The following ARHGEF28 variants were observed in gnomAD, a reference collection of about 807,000 sequenced individuals.
The protein encoded by ARHGEF28 is 190 kDa guanine nucleotide exchange factor.
Under a neutral mutation model 206.6 loss-of-function variants are expected in ARHGEF28, and 152 were observed. The ratio of observed to expected loss-of-function variants is 0.74; its 90% CI spans 0.64 to 0.84. The LOEUF is 0.84. Ranked by LOEUF, ARHGEF28 falls within the 40% of genes least tolerant of loss-of-function variation. The probability of loss-of-function intolerance (pLI) is 0.00; values close to 1 mark genes in which losing one functional copy is unlikely to be tolerated. For missense variants in ARHGEF28, 2,028 were observed against 2,073.2 expected (o/e 0.98, Z 0.42); for synonymous variants, 763 against 776.4 (o/e 0.98, Z 0.29).
chr5:73,834,542 C>CTCTGTGTGTGTGTGTGTGTGTGTGTG (rs1455818141), intron 10 of ARHGEF28, among the ~76,000 whole-genome samples: 29 of 146,318 alleles, frequency 2.0e-4, no homozygotes, highest in African/African-American at 7.4e-4. Flanking sequence ...AATAATATTC[C>CTCTGTGTGTGTGTGTGTGTGTGTGTG]TGTGTGTGTG....
chr5:73,690,683 G>A (rs1399102038), intron 2 of ARHGEF28, among the ~76,000 whole-genome samples: 1 of 152,032 alleles, frequency 6.6e-6, no homozygotes, highest in Non-Finnish European at 1.5e-5. Context: ...GGGTGAGAGA[G>A]CAATACCCTA....
rs780935234 is a variant in ARHGEF28, at chr5:73,802,870, C to CTCTGTGTG, written c.1024+7480_1024+7481insCTGTGTGT. On this transcript the variant is annotated intron_variant, in intron 9 of 35. Transcript: ENST00000513042. ...GATAATTGGCCAGCAAGCTCGATTGCTGTGTGTGTGTGTGTGTGTGTGTGT... is the reference window on the plus strand; with the variant it reads ...GATAATTGGCCAGCAAGCTCGATTGCTCTGTGTGTGTGTGTGTGTGTGTGTGTGTGTGT... Among the ~76,000 whole-genome samples the CTCTGTGTG allele has an allele frequency of 6.7e-3, 813 of 122,222 alleles. 35 individuals carry two copies. The highest frequency in any genetic ancestry group is 0.021 in the African/African-American group (653 of 31,506). The allele number at this position is 122,222 out of a possible 152,430, so 80.2% of individuals were successfully genotyped here.
At chr5:73,771,113 T>G (rs973775904) in intron 4 of ARHGEF28, among the ~76,000 whole-genome samples, 2 of 152,232 alleles carry the variant, frequency 1.3e-5, no homozygotes, top group African/African-American at 2.4e-5. Context: ...CCTTTACCAA[T>G]GGTATAATTT....
At chr5:73,641,704 A>T (rs1006994033) in intron 1 of ARHGEF28, among the ~76,000 whole-genome samples, 3 of 152,220 alleles carry the variant, frequency 2.0e-5, no homozygotes, top group Non-Finnish European at 4.4e-5. Flanking sequence ...GCAGTTGTAT[A>T]AATGGAGCTT....
rs1335980539 is a variant in ARHGEF28 at position 73,868,135 on chromosome 5, G to A, written c.2333G>A (p.Ser778Asn). Residue 778 changes from serine (S) to asparagine (N), a missense_variant, in exon 20 of 36, where the codon AGT (serine) becomes AAT (asparagine). By Grantham distance (46) the Ser-to-Asn change is conservative. Around this residue, in one of 3 missense-constraint regions of ARHGEF28, gnomAD observed 1,002 missense variants for 1,015.3 expected, o/e 0.99. Coordinates refer to ENST00000513042, the MANE Select transcript of ARHGEF28 (RefSeq NM_001177693.2). ...TCAGCCACATCCTTGGAGTCTGAGA[G>A]TGACCATAACAGCTGCAGAAGCAGG... ...RRSATSLESE[S>N]DHNSCRSRSH... is the part of the protein sequence containing the mutation. 1 of 1,610,696 alleles carries A rather than the reference G, an allele frequency of 6.2e-7. No homozygotes were observed. The highest frequency in any genetic ancestry group is 1.3e-5 in the African/African-American group (1 of 74,880).
chr5:73,813,927 AG>A (rs1309427103), intron 9 of ARHGEF28, among the ~76,000 whole-genome samples: 1 of 150,248 alleles, frequency 6.7e-6, no homozygotes, highest in African/African-American at 2.4e-5. Flanking sequence ...AAAAAAAAAA[AG>A]AAGGGAGTTT....
At chr5:73,861,007 C>T (rs1425424555) in intron 16 of ARHGEF28, among the ~76,000 whole-genome samples, 4 of 152,340 alleles carry the variant, frequency 2.6e-5, no homozygotes, top group East Asian at 3.9e-4. Flanking sequence ...TTTTTACCTG[C>T]TCTTTGGAGG....
At chr5:73,775,501 CTT>C (rs1376254638) in intron 5 of ARHGEF28, among the ~76,000 whole-genome samples, 1 of 152,146 alleles carries the variant, frequency 6.6e-6, no homozygotes, top group Non-Finnish European at 1.5e-5. Flanking sequence ...TCCCCCAAGA[CTT>C]AGAGTAAAAC....
chr5:73,807,517 T>G (rs369981403), intron 9 of ARHGEF28, among the ~76,000 whole-genome samples: 4 of 151,382 alleles, frequency 2.6e-5, no homozygotes, highest in African/African-American at 9.7e-5. Flanking sequence ...GGAGTTTCAC[T>G]CTTCTTGCCC....
intron 9 of ARHGEF28, among the ~76,000 whole-genome samples, chr5:73,804,082 C>CAAAAAAAAA (rs35722039): frequency 4.7e-5 from 3 of 64,314 alleles, no homozygotes; most frequent in African/African-American, 6.9e-5. Flanking sequence ...GAGACCCTGT[C>CAAAAAAAAA]AAAAAAAAAA....
At chr5:73,872,139 C>G (rs1043658722) in intron 21 of ARHGEF28, among the ~76,000 whole-genome samples, 1 of 152,152 alleles carries the variant, frequency 6.6e-6, no homozygotes, top group Non-Finnish European at 1.5e-5. Context: ...TCTCCACATC[C>G]TCACCAATAC....
At chr5:73,826,795 CCT>C (rs1756939595) in intron 9 of ARHGEF28, among the ~76,000 whole-genome samples, 2 of 152,264 alleles carry the variant, frequency 1.3e-5, no homozygotes, top group Admixed American at 1.3e-4. Context: ...AATTGTCTCC[CCT>C]GTGTCACCTG....
At chr5:73,826,773 C>A (rs1028473122) in intron 9 of ARHGEF28, among the ~76,000 whole-genome samples, 1 of 152,190 alleles carries the variant, frequency 6.6e-6, no homozygotes, top group African/African-American at 2.4e-5. Context: ...TGGGTGGAAT[C>A]TATTTACTTT....
At chr5:73,703,594 T>C (rs1243255381) in intron 2 of ARHGEF28, among the ~76,000 whole-genome samples, 3 of 152,100 alleles carry the variant, frequency 2.0e-5, no homozygotes, top group African/African-American at 7.2e-5. Flanking sequence ...CTCTCTCTCT[T>C]TAATTCAGTT....
chr5:73,886,172 T>C (rs1318917685), intron 25 of ARHGEF28, 68 bp downstream of exon 25: 1 of 1,517,494 alleles, frequency 6.6e-7, no homozygotes, highest in Non-Finnish European at 8.8e-7. Context: ...GGACAGATTT[T>C]CAAAAGAAAA....
At chr5:73,737,351 T>C (rs1272085758) in intron 2 of ARHGEF28, among the ~76,000 whole-genome samples, 2 of 152,120 alleles carry the variant, frequency 1.3e-5, no homozygotes, top group East Asian at 3.9e-4. Flanking sequence ...TGTTGCTTTG[T>C]TTTTCCAGCT....
intron 2 of ARHGEF28, among the ~76,000 whole-genome samples, chr5:73,715,663 A>G: frequency 6.6e-6 from 1 of 152,152 alleles, no homozygotes; most frequent in Non-Finnish European, 1.5e-5. Flanking sequence ...GCCAAAATAG[A>G]TTTTACCTAT....
chr5:73,911,067 G>GTTA (rs1762872754), intron 34 of ARHGEF28, among the ~76,000 whole-genome samples: 2 of 152,080 alleles, frequency 1.3e-5, no homozygotes, highest in Non-Finnish European at 2.9e-5. Flanking sequence ...TGTTGTTGTT[G>GTTA]TTAAAGATAT....
Position 73,909,668 on chromosome 5 carries a change from AGGAGCG to A in ARHGEF28, c.4429_4434del (p.Arg1477_Glu1478del). The A allele has an allele frequency of 2.6e-6, 4 of 1,543,304 alleles. No homozygotes were observed. The highest frequency in any genetic ancestry group is 2.6e-6 in the Non-Finnish European group (3 of 1,143,650). ...CAGGCGACCAGGGAGAGCTGGCTGC[AGGAGCG>A]GGAGCGGGAGTGCCAGTCGCAGGAG... On this transcript the variant is annotated inframe_deletion, in exon 34 of 36. Coordinates refer to ENST00000513042, the MANE Select transcript of ARHGEF28 (RefSeq NM_001177693.2).
Sources: allele counts gnomAD v4.1 joint callset (sites outside exome capture counted in the v4.1 genomes callset), GRCh38; gene constraint gnomAD v4.1.1; regional missense constraint gnomAD v4.1.1; transcripts MANE v1.5; gene names NCBI Gene and HGNC (gene_info 2026-07-23, HGNC 2026-07-21).